Variants in PCDH15 observed in about 807,000 individuals in gnomAD.
PCDH15 encodes the protein protocadherin related 15, also known as protocadherin-15.
A neutral mutation model predicts 178.5 loss-of-function variants in PCDH15; 129 were observed. That is an observed-to-expected ratio of 0.72 (90% CI 0.63 to 0.84). The LOEUF (loss-of-function observed/expected upper bound fraction) is 0.84, where lower values mean the gene tolerates loss of function less well. PCDH15 is among the 40% of genes least tolerant of loss of function. The probability of loss-of-function intolerance (pLI) is 0.00; values close to 1 mark genes in which losing one functional copy is unlikely to be tolerated. For synonymous variants in PCDH15, 800 were observed against 732.0 expected (o/e 1.09, Z -1.50); for missense variants, 2,230 against 2,099.9 (o/e 1.06, Z -1.21).
At chr10:55,011,415 C>T (rs1417483190) in intron 2 of PCDH15, among the ~76,000 whole-genome samples, 2 of 151,934 alleles carry the variant, frequency 1.3e-5, no homozygotes, top group Non-Finnish European at 2.9e-5. Context: ...TATACTTAGA[C>T]GTGGAAATTA....
intron 26 of PCDH15, among the ~76,000 whole-genome samples, chr10:53,882,343 G>A (rs983017716): frequency 6.6e-6 from 1 of 152,152 alleles, no homozygotes; most frequent in African/African-American, 2.4e-5. Flanking sequence ...CGGGGCCTTT[G>A]CAGCTTCCAC....
chr10:55,085,363 TGGA>T (rs1423104775), intron 2 of PCDH15, among the ~76,000 whole-genome samples: 1 of 151,804 alleles, frequency 6.6e-6, no homozygotes, highest in Non-Finnish European at 1.5e-5. Flanking sequence ...GAGTTTGTGG[TGGA>T]GAAGTGGCAA....
intron 14 of PCDH15, among the ~76,000 whole-genome samples, chr10:54,142,874 TAAG>T (rs1352064260): frequency 2.0e-5 from 3 of 152,148 alleles, no homozygotes; most frequent in Non-Finnish European, 2.9e-5. Context: ...TCTTATTGCT[TAAG>T]AAACAGAGTC....
chr10:54,653,040 T>C (rs1321914206), intron 2 of PCDH15, among the ~76,000 whole-genome samples: 1 of 152,178 alleles, frequency 6.6e-6, no homozygotes, highest in African/African-American at 2.4e-5. Context: ...AAATGACACA[T>C]AGGTATTGTA....
chr10:54,295,607 A>T (rs556217466), intron 8 of PCDH15, among the ~76,000 whole-genome samples: 1 of 152,212 alleles, frequency 6.6e-6, no homozygotes, highest in Non-Finnish European at 1.5e-5. Context: ...CTGAACATCC[A>T]AATGAAGAAA....
At chr10:55,324,956 G>A (rs929263010) in intron 2 of PCDH15, among the ~76,000 whole-genome samples, 2 of 151,864 alleles carry the variant, frequency 1.3e-5, no homozygotes, top group South Asian at 2.1e-4. Flanking sequence ...AATCAAGAAC[G>A]CAATCCCATT....
At chr10:54,522,087 C>CA (rs11313978) in intron 3 of PCDH15, among the ~76,000 whole-genome samples, 8,517 of 55,582 alleles carry the variant, frequency 0.15, 464 homozygotes, top group African/African-American at 0.2. Context: ...GAATCCATCT[C>CA]AAAAAAAAAA....
intron 2 of PCDH15, among the ~76,000 whole-genome samples, chr10:55,576,178 G>C (rs1049004423): frequency 6.6e-6 from 1 of 152,100 alleles, no homozygotes; most frequent in Non-Finnish European, 1.5e-5. Flanking sequence ...GGAAGTCGGT[G>C]ATAACATAGT....
At chr10:54,287,978 T>A (rs1343500167) in intron 8 of PCDH15, among the ~76,000 whole-genome samples, 1 of 152,092 alleles carries the variant, frequency 6.6e-6, no homozygotes, top group East Asian at 1.9e-4. Context: ...TGGGGGAAAC[T>A]GAATATTTAC....
At chr10:53,955,734 G>T (rs2087548320) in intron 23 of PCDH15, among the ~76,000 whole-genome samples, 1 of 152,076 alleles carries the variant, frequency 6.6e-6, no homozygotes, top group South Asian at 2.1e-4. Flanking sequence ...TTTTTCACTA[G>T]GAGCAATCCC....
intron 13 of PCDH15, among the ~76,000 whole-genome samples, chr10:54,167,779 CCG>C: frequency 6.6e-6 from 1 of 151,950 alleles, no homozygotes; most frequent in African/African-American, 2.4e-5. Context: ...TCCCTTATTT[CCG>C]CACCCCAACC....
At chr10:54,414,051 C>T (rs530946547) in intron 3 of PCDH15, among the ~76,000 whole-genome samples, 120 of 152,158 alleles carry the variant, frequency 7.9e-4, no homozygotes, top group African/African-American at 2.7e-3. Context: ...ATACATATGA[C>T]AAAACAACAC....
intron 18 of PCDH15, among the ~76,000 whole-genome samples, chr10:54,043,542 C>A (rs1236099548): frequency 1.3e-5 from 2 of 151,882 alleles, no homozygotes; most frequent in African/African-American, 2.4e-5. Context: ...TATGCACCAA[C>A]ATGCCTGGCT....
Position 54,329,613 on chromosome 10 carries a change from C to T in PCDH15, c.688G>A (p.Val230Ile). ...LNYEDKTRYF[V>I]IIQANDRAQN... ...ATACTCACATTAGCTTGGATTATGA[C>T]AAAGTAGCGAGTCTTATCTTCATAG... The change falls in exon 7 of 38, where the codon GTC (valine) becomes ATC (isoleucine). Residue 230 changes from valine to isoleucine, a missense_variant. Coordinates refer to ENST00000644397, the MANE Select transcript of PCDH15 (RefSeq NM_001384140.1). 3 of 1,596,490 alleles carry T rather than the reference C, an allele frequency of 1.9e-6. No individual in the cohort carries two copies. Among genetic ancestry groups the T allele is most frequent in the Middle Eastern group, 1.7e-4 (1 of 6,016 alleles).
At chr10:54,383,955 A>G (rs1490049689) in intron 3 of PCDH15, among the ~76,000 whole-genome samples, 1 of 149,084 alleles carries the variant, frequency 6.7e-6, no homozygotes, top group African/African-American at 2.5e-5. Context: ...AATAGCTGGG[A>G]TTACAGGCAC....
At chr10:54,672,393 C>T (rs915391802) in intron 1 of PCDH15, among the ~76,000 whole-genome samples, 4 of 152,086 alleles carry the variant, frequency 2.6e-5, no homozygotes, top group African/African-American at 9.7e-5. Context: ...CTATGACTTG[C>T]TTCTAATGTG....
At chr10:53,991,650 C>T (rs968169733) in intron 21 of PCDH15, among the ~76,000 whole-genome samples, 1 of 152,038 alleles carries the variant, frequency 6.6e-6, no homozygotes, top group Admixed American at 6.6e-5. Flanking sequence ...TGCAAACACA[C>T]CAGTCGGCAC....
chr10:54,946,772 T>C (rs979430918), intron 2 of PCDH15, among the ~76,000 whole-genome samples: 6 of 151,938 alleles, frequency 3.9e-5, no homozygotes, highest in African/African-American at 2.4e-5. Flanking sequence ...TTGTATGAGA[T>C]GGATTATTCA....
chr10:54,905,899 C>A (rs1954711834), intron 2 of PCDH15, among the ~76,000 whole-genome samples: 1 of 152,094 alleles, frequency 6.6e-6, no homozygotes, highest in Non-Finnish European at 1.5e-5. Flanking sequence ...GATTTACTTT[C>A]TAAATATGCT....
Sources: allele counts gnomAD v4.1 joint callset (sites outside exome capture counted in the v4.1 genomes callset), GRCh38; gene constraint gnomAD v4.1.1; transcripts MANE v1.5; gene names NCBI Gene and HGNC (gene_info 2026-07-23, HGNC 2026-07-21).